The following SYN3 variants were observed in gnomAD, a reference collection of about 807,000 sequenced individuals.
SYN3 encodes synapsin III, also known as synapsin-3.
In SYN3, 35 loss-of-function variants were observed where a neutral mutation model predicts 65.8. The observed-to-expected ratio is 0.53, with a 90% CI of 0.41 to 0.70. SYN3 has a LOEUF of 0.70. SYN3 is among the 30% of genes least tolerant of loss of function. The pLI is 0.00. For synonymous variants in SYN3, 270 were observed against 292.9 expected, an observed-to-expected ratio of 0.92 and a Z score of 0.80; for missense variants, 680 against 749.0, an observed-to-expected ratio of 0.91 and a Z score of 1.08.
chr22:32,854,967 C>T lies in SYN3; in HGVS notation c.711+9948G>A, dbSNP rs760440671. Among the ~76,000 whole-genome samples the T allele has an allele frequency of 2.0e-5, 3 of 152,310 alleles. 1 individual carries two copies. Among genetic ancestry groups the T allele is most frequent in the South Asian group, 4.1e-4 (2 of 4,826 alleles). ...AGTCACCACTTAAAAGATGAGAAAA[C>T]GCCAGCTCACAGGCCAAATGGGAGG... On this transcript the variant is annotated intron_variant, in intron 6 of 13. Coordinates refer to ENST00000358763, the MANE Select transcript of SYN3 (RefSeq NM_003490.4).
intron 1 of SYN3, among the ~76,000 whole-genome samples, chr22:33,012,818 T>C (rs2053380861): frequency 6.6e-6 from 1 of 152,260 alleles, no homozygotes; most frequent in Non-Finnish European, 1.5e-5. Context: ...TTCCAGCTGC[T>C]CCATGCCAGG....
At chr22:32,591,274 A>G (rs543547910) in intron 7 of SYN3, among the ~76,000 whole-genome samples, 12 of 152,374 alleles carry the variant, frequency 7.9e-5, no homozygotes, top group African/African-American at 2.6e-4. Flanking sequence ...ACTGAATAAT[A>G]AGGCAAACAT....
At chr22:32,966,383 C>G (rs1203713508) in intron 3 of SYN3, among the ~76,000 whole-genome samples, 1 of 152,146 alleles carries the variant, frequency 6.6e-6, no homozygotes, top group Non-Finnish European at 1.5e-5. Flanking sequence ...TGGGTGGGCA[C>G]TGGGGAACCA....
intron 6 of SYN3, among the ~76,000 whole-genome samples, chr22:32,603,605 G>A (rs1275377262): frequency 6.6e-6 from 1 of 151,340 alleles, no homozygotes; most frequent in African/African-American, 2.4e-5. Context: ...AGACGGTGCT[G>A]CTGCCCTGTG....
chr22:32,802,657 G>A (rs2046621684), intron 6 of SYN3, among the ~76,000 whole-genome samples: 1 of 152,126 alleles, frequency 6.6e-6, no homozygotes, highest in African/African-American at 2.4e-5. Context: ...CCAGGCAAGC[G>A]CTAACCGAGC....
chr22:32,772,083 A>G (rs1457567775), intron 6 of SYN3, among the ~76,000 whole-genome samples: 2 of 152,140 alleles, frequency 1.3e-5, no homozygotes, highest in African/African-American at 2.4e-5. Flanking sequence ...TGAAAAAGCC[A>G]TTAAGCCTGG....
At chr22:32,726,878 AC>A (rs2061201940) in intron 6 of SYN3, among the ~76,000 whole-genome samples, 1 of 151,926 alleles carries the variant, frequency 6.6e-6, no homozygotes, top group African/African-American at 2.4e-5. Context: ...TCAACAAAGC[AC>A]CCAGAAGATC....
At chr22:33,052,363 C>T (rs1018045196) in intron 1 of SYN3, among the ~76,000 whole-genome samples, 8 of 147,140 alleles carry the variant, frequency 5.4e-5, no homozygotes, top group African/African-American at 1.9e-4. Context: ...CAGTGTGGAA[C>T]TTTGAAATCT....
intron 7 of SYN3, among the ~76,000 whole-genome samples, chr22:32,569,353 C>T (rs575328764): frequency 6.6e-6 from 1 of 151,268 alleles, no homozygotes; most frequent in Non-Finnish European, 1.5e-5. Flanking sequence ...CAAAATATAT[C>T]TATCTATCCA....
intron 1 of SYN3, among the ~76,000 whole-genome samples, chr22:33,043,221 C>T (rs957696953): frequency 6.6e-5 from 10 of 152,132 alleles, no homozygotes; most frequent in African/African-American, 2.2e-4. Context: ...TCTAAAGATG[C>T]CCCTACAAGG....
chr22:32,997,654 C>A (rs949449872), intron 2 of SYN3, among the ~76,000 whole-genome samples: 1 of 152,160 alleles, frequency 6.6e-6, no homozygotes, highest in Non-Finnish European at 1.5e-5. Context: ...TGCCAGTTTC[C>A]ACAGTGTAAA....
intron 1 of SYN3, among the ~76,000 whole-genome samples, chr22:33,053,134 C>T (rs1361011361): frequency 3.3e-5 from 5 of 152,124 alleles, no homozygotes; most frequent in African/African-American, 1.2e-4. Flanking sequence ...TTAAGAGAGG[C>T]TGAGTCGGCC....
At chr22:32,978,887 T>C (rs2052288548) in intron 3 of SYN3, among the ~76,000 whole-genome samples, 1 of 152,180 alleles carries the variant, frequency 6.6e-6, no homozygotes, top group Non-Finnish European at 1.5e-5. Context: ...ATCAATGTTA[T>C]TGTTCTGTAG....
chr22:32,987,739 T>A (rs910075468), intron 2 of SYN3, among the ~76,000 whole-genome samples: 2 of 152,158 alleles, frequency 1.3e-5, no homozygotes, highest in Non-Finnish European at 2.9e-5. Flanking sequence ...CTGATCACAA[T>A]TCACATCACT....
At chr22:32,539,045 C>A (rs1460885458) in intron 8 of SYN3, among the ~76,000 whole-genome samples, 1 of 152,100 alleles carries the variant, frequency 6.6e-6, no homozygotes, top group East Asian at 1.9e-4. Flanking sequence ...CTGGCCTCGG[C>A]AAAGACTGAA....
At chr22:32,617,178 G>A (rs17774399) in intron 6 of SYN3, among the ~76,000 whole-genome samples, 24,947 of 152,194 alleles carry the variant, frequency 0.16, 2,469 homozygotes, top group Non-Finnish European at 0.22. Flanking sequence ...GCACATTAAA[G>A]CTGTACCACA....
At chr22:32,927,932 G>A (rs1441988352) in intron 4 of SYN3, among the ~76,000 whole-genome samples, 4 of 152,174 alleles carry the variant, frequency 2.6e-5, no homozygotes, top group Non-Finnish European at 5.9e-5. Flanking sequence ...CTGTTCTCAG[G>A]AAGCTGCCAG....
At chr22:32,696,109 G>T (rs190732166) in intron 6 of SYN3, among the ~76,000 whole-genome samples, 1 of 152,184 alleles carries the variant, frequency 6.6e-6, no homozygotes, top group Non-Finnish European at 1.5e-5. Context: ...TGATGTTCCT[G>T]GTCAGCAGGT....
intron 6 of SYN3, among the ~76,000 whole-genome samples, chr22:32,846,165 T>G (rs577935917): frequency 6.6e-6 from 1 of 152,370 alleles, no homozygotes; most frequent in South Asian, 2.1e-4. Flanking sequence ...GACTGTGATC[T>G]TGTTTGGCTG....
Sources: allele counts gnomAD v4.1 joint callset (sites outside exome capture counted in the v4.1 genomes callset), GRCh38; gene constraint gnomAD v4.1.1; transcripts MANE v1.5; gene names NCBI Gene and HGNC (gene_info 2026-07-23, HGNC 2026-07-21).